The following KANTR variants were observed in gnomAD, a reference collection of about 807,000 sequenced individuals.
KANTR encodes KANTR integral membrane protein, also known as KDM5C adjacent transcript.
At chrX:53,134,873 C>T (rs1018082735) in intron 2 of KANTR, among the ~76,000 whole-genome samples, 2 of 111,767 alleles carry the variant, frequency 1.8e-5, no homozygotes, top group African/African-American at 3.3e-5. Flanking sequence ...AAATACTGAG[C>T]GTGATCAAGA....
intron 2 of KANTR, among the ~76,000 whole-genome samples, chrX:53,103,816 C>T (rs1483929797): frequency 1.8e-5 from 2 of 111,502 alleles, no homozygotes; most frequent in Admixed American, 1.9e-4. Context: ...ACATACTCTG[C>T]CTTCTTCTCT....
chrX:53,140,528 GC>G (rs1471702022), intron 2 of KANTR, among the ~76,000 whole-genome samples: 3 of 105,569 alleles, frequency 2.8e-5, no homozygotes, highest in Non-Finnish European at 5.8e-5. Flanking sequence ...AAAAGTATAT[GC>G]ATTTACTGTA....
chrX:53,128,145 C>T (rs1032680188), downstream of KANTR, among the ~76,000 whole-genome samples: 1 of 111,554 alleles, frequency 9.0e-6, no homozygotes, highest in Admixed American at 9.5e-5. Context: ...AATGTGTGAC[C>T]TACTCTCCTG....
intron 2 of KANTR, among the ~76,000 whole-genome samples, chrX:53,104,583 C>T (rs1222044175): frequency 9.0e-6 from 1 of 111,097 alleles, no homozygotes; most frequent in Non-Finnish European, 1.9e-5. Context: ...TCTCCCCAGT[C>T]CTAGCCACCC....
exon 3 of KANTR, chrX:53,124,792 GACAACA>G (rs1217420946): frequency 3.8e-5 from 6 of 159,795 alleles, no homozygotes; most frequent in Non-Finnish European, 5.9e-5. Flanking sequence ...TGGTTTGTGT[GACAACA>G]ACTCTGAAAT....
chrX:53,131,272 G>A (rs1028928158), downstream of KANTR, among the ~76,000 whole-genome samples: 1 of 111,672 alleles, frequency 9.0e-6, no homozygotes, highest in Non-Finnish European at 1.9e-5. Context: ...AACAGGCAGA[G>A]TGGGTCATGT....
At chrX:53,146,666 T>G (rs782020942), downstream of KANTR, among the ~76,000 whole-genome samples, 11 of 111,050 alleles carry the variant, frequency 9.9e-5, no homozygotes, top group Non-Finnish European at 1.9e-4. Flanking sequence ...AGACACATAA[T>G]TGTCAGATTC....
intron 2 of KANTR, among the ~76,000 whole-genome samples, chrX:53,120,663 G>T (rs1556815350): frequency 9.0e-6 from 1 of 110,925 alleles, no homozygotes; most frequent in Admixed American, 9.6e-5. Flanking sequence ...GTTGGCTTTT[G>T]TATATTAGTA....
rs782364942 is a variant in KANTR at position 53,134,311 on chromosome X, G to A, written n.204-7537G>A. 1.4e-4 allele frequency among the ~76,000 whole-genome samples: 15 copies of A among 110,265 alleles called. No individual in the cohort carries two copies. The South Asian group carries it at 5.5e-3, about 40-fold the overall frequency. ...CAGGAGGTGGGGGTTGCAATGAGCT[G>A]AGATCGTGCCACTGCACTCCAGCCT... On this transcript the variant is annotated intron_variant and non_coding_transcript_variant, in intron 2 of 2. Coordinates refer to the KANTR transcript ENST00000366185.
At chrX:53,101,110 C>T (rs1932889409) in intron 2 of KANTR, among the ~76,000 whole-genome samples, 1 of 112,837 alleles carries the variant, frequency 8.9e-6, no homozygotes, top group African/African-American at 3.2e-5. Flanking sequence ...AAACTTTCTC[C>T]ATATCCACAA....
At chrX:53,141,348 C>T (rs1331704871) in intron 2 of KANTR, among the ~76,000 whole-genome samples, 1 of 111,020 alleles carries the variant, frequency 9.0e-6, no homozygotes, top group Non-Finnish European at 1.9e-5. Flanking sequence ...TTCGACTTAA[C>T]CTGATTTTTG....
intron 2 of KANTR, among the ~76,000 whole-genome samples, chrX:53,101,063 ATGT>A (rs1569233376): frequency 8.9e-6 from 1 of 112,537 alleles, no homozygotes; most frequent in Non-Finnish European, 1.9e-5. Flanking sequence ...GCTTAAGGAA[ATGT>A]TGTGGCTGAT....
At chrX:53,095,484 C>G in intron 1 of KANTR, among the ~76,000 whole-genome samples, 1 of 110,313 alleles carries the variant, frequency 9.1e-6, no homozygotes, top group Admixed American at 9.8e-5. Context: ...AAATGCTTCA[C>G]TATTCTAAAA....
chrX:53,121,742 A>G (rs1933224684), intron 2 of KANTR, among the ~76,000 whole-genome samples: 1 of 110,877 alleles, frequency 9.0e-6, no homozygotes, highest in African/African-American at 3.3e-5. Context: ...AGTTTTGCTT[A>G]TATTTAGAGT....
intron 1 of KANTR, among the ~76,000 whole-genome samples, chrX:53,097,041 G>A (rs910209320): frequency 1.9e-4 from 21 of 111,338 alleles, no homozygotes; most frequent in African/African-American, 6.9e-4. Context: ...GCTGAGGCAG[G>A]AGAATCGCTT....
downstream of KANTR, chrX:53,142,872 A>G (rs1311010723): frequency 1.9e-6 from 1 of 526,212 alleles, no homozygotes. Context: ...CCTAATTGCT[A>G]ATCCACATCT....
intron 2 of KANTR, among the ~76,000 whole-genome samples, chrX:53,108,981 C>A (rs1932990929): frequency 8.9e-6 from 1 of 112,320 alleles, no homozygotes; most frequent in Non-Finnish European, 1.9e-5. Context: ...GGATTACCAG[C>A]TTTGTTCTTT....
chrX:53,118,205 A>G (rs1266045146), intron 2 of KANTR, among the ~76,000 whole-genome samples: 3 of 111,760 alleles, frequency 2.7e-5, no homozygotes, highest in Admixed American at 9.5e-5. Flanking sequence ...AGGTCATCCA[A>G]AAGTTCGGCT....
intron 2 of KANTR, among the ~76,000 whole-genome samples, chrX:53,105,880 C>CA (rs368244268): frequency 5.7e-5 from 4 of 70,684 alleles, no homozygotes; most frequent in East Asian, 4.7e-4. Context: ...TTTTTTGAGA[C>CA]AGAGTCTCGC....
Sources: allele counts gnomAD v4.1 joint callset (sites outside exome capture counted in the v4.1 genomes callset), GRCh38; gene constraint gnomAD v4.1.1; transcripts MANE v1.5; gene names NCBI Gene and HGNC (gene_info 2026-07-23, HGNC 2026-07-21).